PATL2: variants seen among roughly 807,000 people sequenced by gnomAD.
PATL2 encodes protein PAT1 homolog 2.
Under a neutral mutation model 77.0 loss-of-function variants are expected in PATL2, and 73 were observed. The observed-to-expected ratio is 0.95, with a 90% confidence interval of 0.78 to 1.15. The LOEUF is 1.15. Among genes scored for constraint, PATL2 ranks in the 50% most tolerant of loss-of-function variants. PATL2 has a pLI of 0.00. For synonymous variants in PATL2, 265 were observed against 257.1 expected, an observed-to-expected ratio of 1.03 and a Z score of -0.29; for missense variants, 618 against 655.4, an observed-to-expected ratio of 0.94 and a Z score of 0.62.
intron 3 of PATL2, among the ~76,000 whole-genome samples, chr15:44,696,968 G>T (rs2086517127): frequency 6.6e-6 from 1 of 152,130 alleles, no homozygotes; most frequent in East Asian, 1.9e-4. Context: ...AAAATTTGCT[G>T]AATTTAATAG....
chr15:44,666,613 T>C lies in PATL2; in HGVS notation c.1464-72A>G, dbSNP rs1377694721. On this transcript the variant is annotated intron_variant, in intron 16 of 17. Coordinates refer to ENST00000682850, the MANE Select transcript of PATL2 (RefSeq NM_001387263.1). ...ACAGACTCAGGGCCAAGGTTTCTTATTATCTTTCCGTTACTACTACCATTG... is the reference window on the plus strand; with the variant it reads ...ACAGACTCAGGGCCAAGGTTTCTTACTATCTTTCCGTTACTACTACCATTG... The C allele has an allele frequency of 4.3e-6, 6 of 1,408,762 alleles. No homozygotes were observed. In the African/African-American group the frequency reaches 4.4e-5, roughly 10 times the overall value. 87.3% of individuals were successfully genotyped at this position (1,408,762 alleles called of 1,614,324 possible).
chr15:44,690,103 C>T lies in PATL2; in HGVS notation c.-75-13538G>A, dbSNP rs139492257. 2.7e-3 allele frequency among the ~76,000 whole-genome samples: 405 copies of T among 152,100 alleles called. 2 individuals carry two copies. Among genetic ancestry groups the T allele is most frequent in the African/African-American group, 9.2e-3 (382 of 41,498 alleles). ...ACTCGGGAGGCTGAGGCAGGAGAAT[C>T]GCTTGAACATGGGAGGCGGAGGTTG... On this transcript the variant is annotated intron_variant, in intron 3 of 17. Coordinates refer to ENST00000682850, the MANE Select transcript of PATL2 (RefSeq NM_001387263.1).
intron 11 of PATL2, 58 bp from the exon 12 acceptor site, chr15:44,669,621 A>G: frequency 6.5e-7 from 1 of 1,532,374 alleles, no homozygotes; most frequent in Non-Finnish European, 8.8e-7. Flanking sequence ...GCCCTAGCCC[A>G]GGCCCCCAAC....
At chr15:44,670,122 A>T in intron 9 of PATL2, 35 bp from the exon 10 acceptor site, 1 of 1,548,584 alleles carries the variant, frequency 6.5e-7, no homozygotes, top group Non-Finnish European at 8.7e-7. Flanking sequence ...AAAAAAACAA[A>T]ACACCTTATA....
chr15:44,698,981 T>G (rs912781510), intron 3 of PATL2, among the ~76,000 whole-genome samples: 2 of 152,210 alleles, frequency 1.3e-5, no homozygotes, highest in African/African-American at 4.8e-5. Context: ...TGATTTGCAT[T>G]TGTCTGATGA....
intron 3 of PATL2, among the ~76,000 whole-genome samples, chr15:44,688,114 C>T (rs138360181): frequency 0.027 from 4,091 of 151,610 alleles, 54 homozygotes; most frequent in African/African-American, 0.033. Flanking sequence ...GGTGTGGTGG[C>T]GGGTGCCTGC....
At chr15:44,709,154 C>A (rs1304022896) in intron 3 of PATL2, among the ~76,000 whole-genome samples, 1 of 152,154 alleles carries the variant, frequency 6.6e-6, no homozygotes, top group Non-Finnish European at 1.5e-5. Context: ...CCGCCTTGAC[C>A]TCCCAAAGTG....
chr15:44,665,805 A>G lies in PATL2; in HGVS notation c.*148T>C, dbSNP rs1276537190. 4.6e-6 allele frequency: 7 copies of G among 1,516,114 alleles called. No individual in the cohort carries two copies. In the South Asian group the frequency reaches 7.6e-5, roughly 16 times the overall value. The allele number at this position is 1,516,114 out of a possible 1,614,324, so 93.9% of individuals were successfully genotyped here. ...TTAGGCACATCATTTAGATTTTTGA[A>G]GAAAGGATATGAAAATGGGGAAGGG... On this transcript the variant is annotated 3_prime_UTR_variant, in exon 18 of 18. Transcript: ENST00000682850.
In PATL2 at chr15:44,672,161, A is replaced by C; in HGVS notation, c.516-5T>G. 1 of 1,551,666 alleles carries C rather than the reference A, an allele frequency of 6.4e-7. No individual in the cohort carries two copies. Among genetic ancestry groups the C allele is most frequent in the Non-Finnish European group, 8.7e-7 (1 of 1,146,984 alleles). ...CAAGGCTTCTTGGCTGGGGGACTTT[A>C]AGCCAGGAGGAACAACCCTTTAGAC... On this transcript the variant is annotated splice_region_variant and splice_polypyrimidine_tract_variant and intron_variant, in intron 8 of 17. Transcript: ENST00000682850.
chr15:44,666,026 T>C, intron 17 of PATL2, 55 bp from the exon 18 acceptor site: 1 of 1,426,752 alleles, frequency 7.0e-7, no homozygotes, highest in Non-Finnish European at 9.5e-7. Flanking sequence ...CAAGTATTTA[T>C]ATGATTTAAT....
chr15:44,696,204 C>G (rs1223791537), intron 3 of PATL2, among the ~76,000 whole-genome samples: 1 of 152,154 alleles, frequency 6.6e-6, no homozygotes, highest in Non-Finnish European at 1.5e-5. Context: ...GGGAAAACAT[C>G]CCTAAAGGAA....
intron 6 of PATL2, 107 bp from the exon 7 acceptor site, chr15:44,673,484 C>T: frequency 7.2e-7 from 1 of 1,395,628 alleles, no homozygotes; most frequent in Non-Finnish European, 9.7e-7. Flanking sequence ...TCAAGAACTT[C>T]ACCCAACATT....
intron 17 of PATL2, 99 bp from the exon 18 acceptor site, chr15:44,666,070 G>A (rs1001399218): frequency 2.7e-5 from 30 of 1,098,252 alleles, no homozygotes; most frequent in Non-Finnish European, 3.7e-5. Context: ...TAATTCTGAG[G>A]ACAGAGATGA....
chr15:44,680,275 T>C (rs529691321), intron 3 of PATL2, among the ~76,000 whole-genome samples: 20 of 152,322 alleles, frequency 1.3e-4, no homozygotes, highest in African/African-American at 4.6e-4. Context: ...GCTGAGCTGT[T>C]CTTTAATTTG....
At chr15:44,703,500 A>G (rs2086671471) in intron 3 of PATL2, among the ~76,000 whole-genome samples, 1 of 151,932 alleles carries the variant, frequency 6.6e-6, no homozygotes, top group African/African-American at 2.4e-5. Flanking sequence ...CAATTGTTAT[A>G]TACTCTGGCC....
intron 3 of PATL2, among the ~76,000 whole-genome samples, chr15:44,692,730 C>G (rs1274578878): frequency 6.6e-6 from 1 of 152,254 alleles, no homozygotes; most frequent in Non-Finnish European, 1.5e-5. Flanking sequence ...TTTGGGATAT[C>G]TTTGTCTTGG....
intron 3 of PATL2, among the ~76,000 whole-genome samples, chr15:44,701,698 C>CAAA (rs77174261): frequency 2.3e-4 from 12 of 52,666 alleles, no homozygotes; most frequent in African/African-American, 4.9e-4. Context: ...GACCCTGTCT[C>CAAA]AAAAAAAAAA....
At chr15:44,674,600 C>T (rs2085859478) in intron 5 of PATL2, among the ~76,000 whole-genome samples, 1 of 152,012 alleles carries the variant, frequency 6.6e-6, no homozygotes, top group Non-Finnish European at 1.5e-5. Flanking sequence ...CAGGGTCTTG[C>T]TCTGTCACCC....
At position 44,665,850 on chromosome 15, in the gene PATL2, A is replaced by G; in HGVS notation, c.*103T>C. ...GAAGGGTTCTCCAATATATAAAGGC[A>G]TAAGAAATGTCTTCAGACTCTCTGG... On this transcript the variant is annotated 3_prime_UTR_variant, in exon 18 of 18. Coordinates refer to ENST00000682850, the MANE Select transcript of PATL2 (RefSeq NM_001387263.1). The G allele has an allele frequency of 1.9e-6, 3 of 1,547,378 alleles. No individual in the cohort carries two copies. The South Asian group carries it at 3.6e-5, about 19-fold the overall frequency.
Sources: allele counts gnomAD v4.1 joint callset (sites outside exome capture counted in the v4.1 genomes callset), GRCh38; gene constraint gnomAD v4.1.1; transcripts MANE v1.5; gene names NCBI Gene and HGNC (gene_info 2026-07-23, HGNC 2026-07-21).